Variants in COL27A1 observed in about 807,000 individuals in gnomAD.
COL27A1 encodes the protein collagen type XXVII alpha 1 chain.
Under a neutral mutation model 251.3 loss-of-function variants are expected in COL27A1, and 106 were observed. The observed-to-expected ratio is 0.42, with a 90% confidence interval of 0.36 to 0.50. The LOEUF is 0.50. Among genes scored for constraint, COL27A1 ranks in the 20% least tolerant of loss-of-function variants. COL27A1 has a pLI of 0.00. For synonymous variants in COL27A1, 1,000 were observed against 986.3 expected (o/e 1.01, Z -0.26); for missense variants, 2,325 against 2,522.8 (o/e 0.92, Z 1.68).
rs1174959637 is a variant in COL27A1, at chr9:114,290,472, G to A, written c.4368+141G>A. On this transcript the variant is annotated intron_variant, in intron 47 of 60. Transcript: ENST00000356083. This position sits in a 1 kb window ranked among gnomAD's most constrained non-coding sequence, Gnocchi z 4.6. ...CACATCCAGAAGTTCTCTGGGGTGG[G>A]CAACCATCTCCTCCCCTGGCACCTG... 7.4e-5 allele frequency: 56 copies of A among 761,502 alleles called. No homozygotes were observed. Among genetic ancestry groups the A allele is most frequent in the Middle Eastern group, 3.5e-4 (1 of 2,842 alleles). 47.2% of individuals were successfully genotyped at this position (761,502 alleles called of 1,614,324 possible). A position where few individuals can be genotyped will look rare whatever the true frequency, so the allele number is the denominator to read the frequency against.
chr9:114,236,720 C>T lies in COL27A1; in HGVS notation c.2620-261C>T, dbSNP rs150359119. 3.1e-3 allele frequency among the ~76,000 whole-genome samples: 477 copies of T among 152,302 alleles called. 1 individual carries two copies. Among genetic ancestry groups the T allele is most frequent in the African/African-American group, 0.011 (460 of 41,556 alleles). On this transcript the variant is annotated intron_variant, in intron 17 of 60. Transcript: ENST00000356083. ...GGAGTCAGAGGCACCACAGAGCCTG[C>T]GTGCAGCCCCAGGGTCCCTGATTCT...
chr9:114,160,008 G>A (rs1172653324), intron 1 of COL27A1, among the ~76,000 whole-genome samples: 1 of 152,206 alleles, frequency 6.6e-6, no homozygotes, highest in Non-Finnish European at 1.5e-5. Context: ...GGTGAGCTGG[G>A]GGCCTGGCCC....
intron 2 of COL27A1, among the ~76,000 whole-genome samples, chr9:114,165,914 C>T (rs1390261152): frequency 1.3e-5 from 2 of 151,268 alleles, no homozygotes; most frequent in African/African-American, 4.9e-5. Context: ...ATTCATCCAT[C>T]CACCCATACA....
intron 5 of COL27A1, among the ~76,000 whole-genome samples, chr9:114,189,548 T>C (rs778194232): frequency 6.6e-6 from 1 of 152,224 alleles, no homozygotes; most frequent in Non-Finnish European, 1.5e-5. Flanking sequence ...TTTACTGGAA[T>C]TGTAATTAAA....
At chr9:114,221,954 T>G (rs1457758230) in intron 13 of COL27A1, among the ~76,000 whole-genome samples, 1 of 152,250 alleles carries the variant, frequency 6.6e-6, no homozygotes, top group Non-Finnish European at 1.5e-5. Flanking sequence ...GCGATTCCGC[T>G]CCTTCCTTTA....
intron 23 of COL27A1, among the ~76,000 whole-genome samples, chr9:114,244,263 CTAGAAAGTGG>C (rs1470191122): frequency 6.6e-6 from 1 of 152,030 alleles, no homozygotes; most frequent in Non-Finnish European, 1.5e-5. Flanking sequence ...AGAGCAGAGG[CTAGAAAGTGG>C]ACAGGGATTA....
At chr9:114,166,362 T>C (rs1848860439) in intron 2 of COL27A1, among the ~76,000 whole-genome samples, 1 of 134,476 alleles carries the variant, frequency 7.4e-6, no homozygotes, top group Admixed American at 7.8e-5. Flanking sequence ...CATGTATCCA[T>C]CCATCAATCC....
chr9:114,212,474 G>A (rs1830432570), intron 12 of COL27A1, among the ~76,000 whole-genome samples: 1 of 152,238 alleles, frequency 6.6e-6, no homozygotes, highest in Admixed American at 6.5e-5. Flanking sequence ...ATCACTGAAT[G>A]GGGAAATGGA....
intron 14 of COL27A1, among the ~76,000 whole-genome samples, chr9:114,223,364 C>T (rs1831246885): frequency 6.6e-6 from 1 of 152,160 alleles, no homozygotes; most frequent in Non-Finnish European, 1.5e-5. Flanking sequence ...TGGAGGAGGT[C>T]CCTGAGGGAG....
chr9:114,200,211 C>G (rs1365829065), intron 7 of COL27A1, among the ~76,000 whole-genome samples: 1 of 152,224 alleles, frequency 6.6e-6, no homozygotes. Context: ...CAAGAAACTT[C>G]TCCAGGCTCC....
At chr9:114,299,759 T>C (rs115562036) in intron 49 of COL27A1, among the ~76,000 whole-genome samples, 1,799 of 152,326 alleles carry the variant, frequency 0.012, 45 homozygotes, top group African/African-American at 0.041. Context: ...GGGAGGAGGC[T>C]GCAGGCCCTT....
intron 24 of COL27A1, among the ~76,000 whole-genome samples, chr9:114,248,086 C>T (rs1178207699): frequency 1.3e-5 from 2 of 151,902 alleles, no homozygotes; most frequent in Non-Finnish European, 2.9e-5. Flanking sequence ...TGTCCGAGAT[C>T]TCACAGGCAG....
chr9:114,230,638 C>T (rs1209279385), intron 14 of COL27A1, among the ~76,000 whole-genome samples: 2 of 152,154 alleles, frequency 1.3e-5, no homozygotes, highest in Non-Finnish European at 2.9e-5. Flanking sequence ...AGCCAAGCCT[C>T]TGGGAAGCAG....
chr9:114,239,084 G>A (rs1303050075), intron 19 of COL27A1, among the ~76,000 whole-genome samples: 1 of 152,184 alleles, frequency 6.6e-6, no homozygotes, highest in Non-Finnish European at 1.5e-5. Flanking sequence ...TCAGCTGAAG[G>A]GGGAAGCTGA....
In COL27A1 at chr9:114,304,748, C is replaced by A; in HGVS notation, c.4938+75C>A. On this transcript the variant is annotated intron_variant, in intron 57 of 60. Transcript: ENST00000356083. ...AAATAGATAATGGCCCACATGTGGT[C>A]AGTGCCTTCCATGTGGCCTGCATGG... 3 of 1,304,074 alleles carry A rather than the reference C, an allele frequency of 2.3e-6. No homozygotes were observed. The South Asian group carries it at 3.6e-5, about 16-fold the overall frequency. The allele number at this position is 1,304,074 out of a possible 1,614,324, so 80.8% of individuals were successfully genotyped here.
At chr9:114,191,630 T>G (rs1819053538) in intron 5 of COL27A1, among the ~76,000 whole-genome samples, 1 of 152,246 alleles carries the variant, frequency 6.6e-6, no homozygotes, top group Admixed American at 6.5e-5. Flanking sequence ...TATTCCGTGA[T>G]GTATATGTAC....
At chr9:114,300,542 C>A in intron 50 of COL27A1, 83 bp from the exon 51 acceptor site, 1 of 1,169,680 alleles carries the variant, frequency 8.5e-7, no homozygotes, top group South Asian at 1.6e-5. Flanking sequence ...CAAAGGTTGA[C>A]AGACCCCAGG....
chr9:114,307,479 GC>G, intron 58 of COL27A1, 189 bp from the exon 59 acceptor site: 1 of 581,780 alleles, frequency 1.7e-6, no homozygotes, highest in Non-Finnish European at 3.1e-6. Context: ...TGGGGGCTCT[GC>G]CAGTTGTGAG....
chr9:114,236,853 A>C (rs1832434004), intron 17 of COL27A1, 128 bp from the exon 18 acceptor site: 1 of 798,974 alleles, frequency 1.3e-6, no homozygotes, highest in East Asian at 2.7e-5. Context: ...CAGGGAAAGG[A>C]AGGAAGGAGC....
Sources: gnomAD v4.1 joint callset for allele counts (sites outside exome capture counted in the v4.1 genomes callset) on GRCh38, gnomAD v4.1.1 for gene constraint, Gnocchi (gnomAD v3.1) non-coding constraint, MANE v1.5 for transcripts, NCBI Gene and HGNC (gene_info 2026-07-23, HGNC 2026-07-21) for gene names.